Variants in KIF2A observed in about 807,000 individuals in gnomAD.
The protein encoded by KIF2A is kinesin-like protein KIF2A.
Under a neutral mutation model 100.2 loss-of-function variants are expected in KIF2A, and 22 were observed. The observed-to-expected ratio is 0.22, with a 90% CI of 0.16 to 0.31. The LOEUF is 0.31. KIF2A is among the 10% of genes least tolerant of loss of function. The pLI is 1.00. For missense variants in KIF2A, 495 were observed against 898.7 expected, an observed-to-expected ratio of 0.55 and a Z score of 5.74; for synonymous variants, 268 against 285.9, an observed-to-expected ratio of 0.94 and a Z score of 0.63.
chr5:62,373,099 C>T (rs1056678334), intron 17 of KIF2A, among the ~76,000 whole-genome samples: 1 of 151,810 alleles, frequency 6.6e-6, no homozygotes, highest in Admixed American at 6.6e-5. Flanking sequence ...AAAGTTTACC[C>T]TTTCCCAAAT....
rs1427293785 is a variant in KIF2A, at chr5:62,390,845, T to A, written c.*5276T>A. Reference sequence around the variant, plus strand: ...CTGAAGGTGTCACAGTAAAGAAATGTAAACACTTAGGAAAACAAAAATGTA... The same window carrying A: ...CTGAAGGTGTCACAGTAAAGAAATGAAAACACTTAGGAAAACAAAAATGTA... On this transcript the variant is annotated 3_prime_UTR_variant, in exon 21 of 21. Coordinates refer to ENST00000407818, the MANE Select transcript of KIF2A (RefSeq NM_001098511.3). 6.4e-7 allele frequency: 1 copy of A among 1,574,496 alleles called. No homozygotes were observed. The highest frequency in any genetic ancestry group is 1.4e-5 in the African/African-American group (1 of 74,066).
Position 62,388,685 on chromosome 5 carries a change from A to G in KIF2A, c.*3116A>G, listed in dbSNP as rs1008560342. 3.6e-5 allele frequency: 9 copies of G among 249,236 alleles called. No individual in the cohort carries two copies. Among genetic ancestry groups the G allele is most frequent in the African/African-American group, 2.1e-4 (9 of 43,888 alleles). The allele number at this position is 249,236 out of a possible 1,614,324, so 15.4% of individuals were successfully genotyped here. A position where few individuals can be genotyped will look rare whatever the true frequency, so the allele number is the denominator to read the frequency against. On this transcript the variant is annotated 3_prime_UTR_variant, in exon 21 of 21. Coordinates refer to ENST00000407818, the MANE Select transcript of KIF2A (RefSeq NM_001098511.3). ...GCTAAAGGCCTAAAGAAGGCCTTAC[A>G]GTATATAACAGTAAATAGAAGAGTA...
chr5:62,308,330 A>T, intron 1 of KIF2A: 1 of 1,438,796 alleles, frequency 7.0e-7, no homozygotes. Flanking sequence ...TTCACAGTAT[A>T]CCAGCAAAAG....
At position 62,371,181 on chromosome 5, in the gene KIF2A, G is replaced by A. The variant is rs1741308932; in HGVS notation, c.1647-1257G>A. Among the ~76,000 whole-genome samples, 4 of 152,056 alleles carry A rather than the reference G, an allele frequency of 2.6e-5. 1 individual carries two copies. In the South Asian group the frequency reaches 8.3e-4, roughly 31 times the overall value. On this transcript the variant is annotated intron_variant, in intron 16 of 20. Coordinates refer to ENST00000407818, the MANE Select transcript of KIF2A (RefSeq NM_001098511.3). ...TGAGGTGGGAGGATCACTTGAGCAGGAGGTCAAGGCTGCAATGAGCCATGA... is the reference window on the plus strand; with the variant it reads ...TGAGGTGGGAGGATCACTTGAGCAGAAGGTCAAGGCTGCAATGAGCCATGA...
At chr5:62,326,996 C>T (rs55979670) in intron 1 of KIF2A, among the ~76,000 whole-genome samples, 5,726 of 152,300 alleles carry the variant, frequency 0.038, 167 homozygotes, top group Non-Finnish European at 0.063. Context: ...TGACTACTCT[C>T]TTTGAGGCAT....
chr5:62,336,105 T>C (rs1293510093), intron 1 of KIF2A, among the ~76,000 whole-genome samples: 1 of 152,176 alleles, frequency 6.6e-6, no homozygotes, highest in Non-Finnish European at 1.5e-5. Context: ...CAAAAAGGCA[T>C]AGCTGAGCTC....
chr5:62,341,029 T>C (rs898348355), intron 1 of KIF2A, among the ~76,000 whole-genome samples: 1 of 152,168 alleles, frequency 6.6e-6, no homozygotes, highest in South Asian at 2.1e-4. Context: ...ATCTGATTAA[T>C]TGGCAAAAAG....
intron 6 of KIF2A, among the ~76,000 whole-genome samples, chr5:62,353,938 G>C (rs1158749369): frequency 6.7e-6 from 1 of 149,166 alleles, no homozygotes; most frequent in East Asian, 1.9e-4. Context: ...CTCTTCTACA[G>C]GTCTTTACAT....
At position 62,381,075 on chromosome 5, in the gene KIF2A, G is replaced by T. The variant is rs247253; in HGVS notation, c.2014-43G>T. The T allele has an allele frequency of 0.41, 614,888 of 1,484,362 alleles. 131,135 individuals carry two copies. Among genetic ancestry groups the T allele is most frequent in the African/African-American group, 0.63 (43,331 of 69,160 alleles). The allele number at this position is 1,484,362 out of a possible 1,614,324, so 91.9% of individuals were successfully genotyped here. ...ACAGAATTGTAATTTGGTTTCTGTT[G>T]CACAAAGATGCTTATTGGATTATCG... is the stretch of plus-strand genomic sequence containing the variant. On this transcript the variant is annotated intron_variant, in intron 19 of 20. Transcript: ENST00000407818.
chr5:62,331,816 G>T (rs1215764557), intron 1 of KIF2A, among the ~76,000 whole-genome samples: 1 of 150,376 alleles, frequency 6.6e-6, no homozygotes, highest in Non-Finnish European at 1.5e-5. Context: ...AGAAACAGCT[G>T]CAACCTTTTA....
chr5:62,369,491 G>T (rs1741223710), intron 16 of KIF2A, among the ~76,000 whole-genome samples: 1 of 152,102 alleles, frequency 6.6e-6, no homozygotes, highest in Non-Finnish European at 1.5e-5. Flanking sequence ...ACCTCCACGT[G>T]GTCTCTCCCT....
intron 1 of KIF2A, among the ~76,000 whole-genome samples, chr5:62,310,579 C>T (rs973060342): frequency 4.6e-5 from 7 of 151,018 alleles, no homozygotes; most frequent in Non-Finnish European, 8.8e-5. Flanking sequence ...TACTCTGGCC[C>T]TCTACTTCCC....
At chr5:62,365,195 C>A in intron 14 of KIF2A, 48 bp from the exon 15 acceptor site, 1 of 910,876 alleles carries the variant, frequency 1.1e-6, no homozygotes. Flanking sequence ...TTAAGATTAT[C>A]CTTTATAAGA....
In KIF2A at chr5:62,374,076, G is replaced by T. The variant is rs112704105; in HGVS notation, c.1911+239G>T. Among the ~76,000 whole-genome samples the T allele has an allele frequency of 0.044, 6,625 of 152,158 alleles. 453 individuals are homozygous for T. Among genetic ancestry groups the T allele is most frequent in the African/African-American group, 0.15 (6,160 of 41,478 alleles). On this transcript the variant is annotated intron_variant, in intron 18 of 20. Coordinates refer to ENST00000407818, the MANE Select transcript of KIF2A (RefSeq NM_001098511.3). ...AAAATTTAAAAATCATCCAGATGTG[G>T]TGGTATACACCTGTAAGTCTAGCTA...
At chr5:62,381,026 C>G in intron 19 of KIF2A, 92 bp from the exon 20 acceptor site, 1 of 916,964 alleles carries the variant, frequency 1.1e-6, no homozygotes, top group Non-Finnish European at 1.7e-6. Flanking sequence ...AGAATACTAT[C>G]TTAAGTATGT....
At chr5:62,372,743 T>C (rs71617433) in intron 17 of KIF2A, among the ~76,000 whole-genome samples, 192 bp downstream of exon 17, 1 of 152,226 alleles carries the variant, frequency 6.6e-6, no homozygotes, top group Non-Finnish European at 1.5e-5. Context: ...TTTAAAATGT[T>C]GATTTAGAAT....
Position 62,352,655 on chromosome 5 carries a change from T to C in KIF2A, c.402T>C (p.Gly134=). The C allele has an allele frequency of 6.2e-7, 1 of 1,610,228 alleles. No homozygotes were observed. The highest frequency in any genetic ancestry group is 8.5e-7 in the Non-Finnish European group (1 of 1,177,672). Residue 134 remains glycine, a synonymous_variant, in exon 5 of 21, where the codon GGT becomes GGC. Coordinates refer to ENST00000407818, the MANE Select transcript of KIF2A (RefSeq NM_001098511.3). ...AGTCTTCCTCTGCACAACAGAATGG[T>C]AGTGTTTCAGATATATCTCCAGTTC... ...PEQSSSAQQN[G]SVSDISPVQA...
intron 19 of KIF2A, among the ~76,000 whole-genome samples, chr5:62,380,659 T>G (rs1393042417): frequency 1.3e-5 from 2 of 152,206 alleles, no homozygotes; most frequent in African/African-American, 4.8e-5. Context: ...ATATAAGGTA[T>G]TCTTACCACA....
At chr5:62,364,488 G>A (rs1740975188) in intron 14 of KIF2A, among the ~76,000 whole-genome samples, 1 of 152,122 alleles carries the variant, frequency 6.6e-6, no homozygotes, top group Non-Finnish European at 1.5e-5. Flanking sequence ...GGAGGGCAAC[G>A]AACCACTGAA....
Sources: allele counts gnomAD v4.1 joint callset (sites outside exome capture counted in the v4.1 genomes callset), GRCh38; gene constraint gnomAD v4.1.1; transcripts MANE v1.5; gene names NCBI Gene and HGNC (gene_info 2026-07-23, HGNC 2026-07-21).